The following MLYCD variants were observed in gnomAD, a reference collection of about 807,000 sequenced individuals.
The protein encoded by MLYCD is malonyl-CoA decarboxylase, mitochondrial.
In MLYCD, 27 loss-of-function variants were observed where a neutral mutation model predicts 35.8. The ratio of observed to expected loss-of-function variants is 0.75; its 90% CI spans 0.56 to 1.04. The LOEUF is 1.04. Among genes scored for constraint, MLYCD ranks in the 50% least tolerant of loss-of-function variants. MLYCD has a pLI of 0.00. For missense variants in MLYCD, 917 were observed against 665.1 expected, an observed-to-expected ratio of 1.38 and a Z score of -4.17; for synonymous variants, 403 against 302.4, an observed-to-expected ratio of 1.33 and a Z score of -3.45.
chr16:83,906,339 C>T (rs1906974906), intron 1 of MLYCD, among the ~76,000 whole-genome samples: 1 of 152,160 alleles, frequency 6.6e-6, no homozygotes, highest in South Asian at 2.1e-4. Flanking sequence ...TGCAGCGAGC[C>T]GTGTTCATGC....
At chr16:83,910,209 T>TA (rs1053007291) in intron 3 of MLYCD, among the ~76,000 whole-genome samples, 2 of 143,826 alleles carry the variant, frequency 1.4e-5, no homozygotes, top group East Asian at 4.1e-4. Flanking sequence ...TTTTTATGCA[T>TA]GGTTTTTTTT....
In MLYCD at chr16:83,924,043, C is replaced by T. The variant is rs2151064127; in HGVS notation, c.*8554C>T. 1 of 152,210 alleles carries T rather than the reference C, an allele frequency of 6.6e-6. No homozygotes were observed. Among genetic ancestry groups the T allele is most frequent in the East Asian group, 1.9e-4 (1 of 5,186 alleles). 9.4% of individuals were successfully genotyped at this position (152,210 alleles called of 1,614,324 possible). On this transcript the variant is annotated 3_prime_UTR_variant, in exon 5 of 5. Transcript: ENST00000262430. ...CAGTGCTGGCCGTATCGGTCCGAGCCCTCGGCTGCCAGGGAGAGAAGCTGA... is the reference window on the plus strand; with the variant it reads ...CAGTGCTGGCCGTATCGGTCCGAGCTCTCGGCTGCCAGGGAGAGAAGCTGA...
chr16:83,922,971 C>T lies in MLYCD; in HGVS notation c.*7482C>T, dbSNP rs1907700210. 2 of 152,320 alleles carry T rather than the reference C, an allele frequency of 1.3e-5. No homozygotes were observed. Among genetic ancestry groups the T allele is most frequent in the Admixed American group, 1.3e-4 (2 of 15,288 alleles). The allele number at this position is 152,320 out of a possible 1,614,324, so 9.4% of individuals were successfully genotyped here. On this transcript the variant is annotated 3_prime_UTR_variant, in exon 5 of 5. Transcript: ENST00000262430. ...CTGATGGCTGAGCACCCTTGTCATA[C>T]TCCTCAGGGAGAGCCCAGGCCACCG...
intron 4 of MLYCD, chr16:83,913,645 C>G (rs1468691390): frequency 6.6e-6 from 1 of 152,120 alleles, no homozygotes; most frequent in African/African-American, 2.4e-5. Context: ...TGGTGAAACC[C>G]CGTCTCTACT....
chr16:83,924,347 T>C lies in MLYCD; in HGVS notation c.*8858T>C, dbSNP rs1387743489. ...GAACAGCTGGCGTCACCTCTTCATG[T>C]TGACGAGGGGAGATGAGTGGCCCAG... On this transcript the variant is annotated 3_prime_UTR_variant, in exon 5 of 5. Transcript: ENST00000262430. The C allele has an allele frequency of 6.6e-6, 1 of 152,232 alleles. No homozygotes were observed. The highest frequency in any genetic ancestry group is 6.5e-5 in the Admixed American group (1 of 15,268). The allele number at this position is 152,232 out of a possible 1,614,324, so 9.4% of individuals were successfully genotyped here. A position where few individuals can be genotyped will look rare whatever the true frequency, so the allele number is the denominator to read the frequency against.
At chr16:83,912,714 T>C (rs879828846) in intron 4 of MLYCD, 1 of 358,538 alleles carries the variant, frequency 2.8e-6, no homozygotes, top group African/African-American at 2.1e-5. Flanking sequence ...CACTCTGAAA[T>C]GTCCCAGCCA....
At position 83,923,768 on chromosome 16, in the gene MLYCD, C is replaced by G. The variant is rs1171229222; in HGVS notation, c.*8279C>G. On this transcript the variant is annotated 3_prime_UTR_variant, in exon 5 of 5. Transcript: ENST00000262430. ...ACCACCCAGCTCTCCTTCCACCGCA[C>G]TGGTCCACCTCCTGACCGTACGTGG... The G allele has an allele frequency of 6.6e-6, 1 of 152,408 alleles. No homozygotes were observed. The highest frequency in any genetic ancestry group is 1.5e-5 in the Non-Finnish European group (1 of 68,216). 9.4% of individuals were successfully genotyped at this position (152,408 alleles called of 1,614,324 possible).
rs1452344857 is a variant in MLYCD at position 83,915,693 on chromosome 16, G to T, written c.*204G>T. The T allele has an allele frequency of 4.1e-6, 6 of 1,454,394 alleles. No individual in the cohort carries two copies. The South Asian group carries it at 6.9e-5, about 17-fold the overall frequency. The allele number at this position is 1,454,394 out of a possible 1,614,324, so 90.1% of individuals were successfully genotyped here. Reference sequence around the variant, plus strand: ...ATGCACCCAGTGCAAGACGGTTGTGGGTGCGGGTGCACACAAATGAGTGGG... The same window carrying T: ...ATGCACCCAGTGCAAGACGGTTGTGTGTGCGGGTGCACACAAATGAGTGGG... On this transcript the variant is annotated 3_prime_UTR_variant, in exon 5 of 5. Coordinates refer to ENST00000262430, the MANE Select transcript of MLYCD (RefSeq NM_012213.3).
intron 2 of MLYCD, 91 bp from the exon 3 acceptor site, chr16:83,908,035 G>T: frequency 6.6e-7 from 1 of 1,524,640 alleles, no homozygotes; most frequent in Non-Finnish European, 9.0e-7. Flanking sequence ...TAAAGAACTT[G>T]TTTGACTTAG....
rs547756792 is a variant in MLYCD at position 83,917,221 on chromosome 16, G to C, written c.*1732G>C. The C allele has an allele frequency of 7.4e-6, 1 of 135,502 alleles. No individual in the cohort carries two copies. Among genetic ancestry groups the C allele is most frequent in the Non-Finnish European group, 1.5e-5 (1 of 66,664 alleles). 8.4% of individuals were successfully genotyped at this position (135,502 alleles called of 1,614,324 possible). A position where few individuals can be genotyped will look rare whatever the true frequency, so the allele number is the denominator to read the frequency against. Reference sequence around the variant, plus strand: ...CGTCTGTGTGTGCACGAGCGTCTCTGTGTGGATCAGTGCACGTCTGTGTGC... The same window carrying C: ...CGTCTGTGTGTGCACGAGCGTCTCTCTGTGGATCAGTGCACGTCTGTGTGC... On this transcript the variant is annotated 3_prime_UTR_variant, in exon 5 of 5. Coordinates refer to ENST00000262430, the MANE Select transcript of MLYCD (RefSeq NM_012213.3).
Position 83,924,302 on chromosome 16 carries a change from C to T in MLYCD, c.*8813C>T, listed in dbSNP as rs964093175. 6.6e-6 allele frequency: 1 copy of T among 152,176 alleles called. No homozygotes were observed. The highest frequency in any genetic ancestry group is 1.5e-5 in the Non-Finnish European group (1 of 68,076). 9.4% of individuals were successfully genotyped at this position (152,176 alleles called of 1,614,324 possible). Reference sequence around the variant, plus strand: ...TGGTGAGTGCACCCAGAGCAGGTGTCTCTCCGGAGCAGTTGAGTAGAACAG... The same window carrying T: ...TGGTGAGTGCACCCAGAGCAGGTGTTTCTCCGGAGCAGTTGAGTAGAACAG... On this transcript the variant is annotated 3_prime_UTR_variant, in exon 5 of 5. Coordinates refer to ENST00000262430, the MANE Select transcript of MLYCD (RefSeq NM_012213.3).
rs1405490872 is a variant in MLYCD at position 83,921,131 on chromosome 16, T to G, written c.*5642T>G. ...GGATGGATGGATGGAGGGTAGAGTT[T>G]TAATGGAAGGAAGATGGATGGACGA... On this transcript the variant is annotated 3_prime_UTR_variant, in exon 5 of 5. Transcript: ENST00000262430. 2 of 143,866 alleles carry G rather than the reference T, an allele frequency of 1.4e-5. No homozygotes were observed. Among genetic ancestry groups the G allele is most frequent in the Non-Finnish European group, 3.0e-5 (2 of 65,864 alleles). The allele number at this position is 143,866 out of a possible 1,614,324, so 8.9% of individuals were successfully genotyped here.
Position 83,916,012 on chromosome 16 carries a change from G to C in MLYCD, c.*523G>C. 2 of 1,005,148 alleles carry C rather than the reference G, an allele frequency of 2.0e-6. No individual in the cohort carries two copies. Among genetic ancestry groups the C allele is most frequent in the Non-Finnish European group, 2.4e-6 (2 of 840,018 alleles). The allele number at this position is 1,005,148 out of a possible 1,614,324, so 62.3% of individuals were successfully genotyped here. ...CAGTTACATTCTGAAGCTCATAAAT[G>C]TATGAGAAGGTTTGTGATTTTGCAC... is the stretch of plus-strand genomic sequence containing the variant. On this transcript the variant is annotated 3_prime_UTR_variant, in exon 5 of 5. Transcript: ENST00000262430.
Position 83,919,071 on chromosome 16 carries a change from A to G in MLYCD, c.*3582A>G, listed in dbSNP as rs530014479. The G allele has an allele frequency of 4.6e-5, 7 of 151,456 alleles. No individual in the cohort carries two copies. In the East Asian group the frequency reaches 9.9e-4, roughly 21 times the overall value. 9.4% of individuals were successfully genotyped at this position (151,456 alleles called of 1,614,324 possible). ...ACAGACACAGTGCACCGGAGAACAC[A>G]GTGCACAGGAGAACACGCACACACA... On this transcript the variant is annotated 3_prime_UTR_variant, in exon 5 of 5. Coordinates refer to ENST00000262430, the MANE Select transcript of MLYCD (RefSeq NM_012213.3).
At chr16:83,900,028 G>C (rs886360548) in intron 1 of MLYCD, among the ~76,000 whole-genome samples, 4 of 152,190 alleles carry the variant, frequency 2.6e-5, no homozygotes, top group African/African-American at 4.8e-5. Flanking sequence ...CATCTATATG[G>C]TATACCTGAA....
Position 83,908,256 on chromosome 16 carries a change from A to T in MLYCD, c.772A>T (p.Thr258Ser). The change falls in exon 3 of 5, where the codon ACT becomes TCT. Residue 258 changes from threonine to serine, a missense_variant. Thr to Ser is a moderately conservative substitution (Grantham distance 58). Coordinates refer to ENST00000262430, the MANE Select transcript of MLYCD (RefSeq NM_012213.3). Reference sequence around the variant, plus strand: ...CCTGGTCGTTTTGCACGTGGCACTGACTGGTGACATCTCCAGCAACATCCA... The same window carrying T: ...CCTGGTCGTTTTGCACGTGGCACTGTCTGGTGACATCTCCAGCAACATCCA... Reference protein sequence around the residue: ...EPLVVLHVALTGDISSNIQAI... With the variant: ...EPLVVLHVALSGDISSNIQAI... 1 of 1,614,128 alleles carries T rather than the reference A, an allele frequency of 6.2e-7. No homozygotes were observed. The highest frequency in any genetic ancestry group is 1.1e-5 in the South Asian group (1 of 91,072).
At chr16:83,899,825 T>C (rs530493246) in intron 1 of MLYCD, among the ~76,000 whole-genome samples, 153 bp downstream of exon 1, 2 of 152,276 alleles carry the variant, frequency 1.3e-5, no homozygotes, top group South Asian at 4.1e-4. Context: ...CTGTGTCCCC[T>C]TCCCACGCTG....
chr16:83,906,558 G>A (rs1156983231), intron 1 of MLYCD, among the ~76,000 whole-genome samples: 1 of 152,206 alleles, frequency 6.6e-6, no homozygotes, highest in Non-Finnish European at 1.5e-5. Context: ...ATGTTTTGAC[G>A]TATCAAAGAA....
chr16:83,901,049 G>C (rs1906767301), intron 1 of MLYCD, among the ~76,000 whole-genome samples: 2 of 152,202 alleles, frequency 1.3e-5, no homozygotes, highest in Admixed American at 1.3e-4. Context: ...TTAATGTCAA[G>C]AGTGACAACA....
Sources: gnomAD v4.1 joint callset for allele counts (sites outside exome capture counted in the v4.1 genomes callset) on GRCh38, gnomAD v4.1.1 for gene constraint, MANE v1.5 for transcripts, NCBI Gene and HGNC (gene_info 2026-07-23, HGNC 2026-07-21) for gene names.